Variants in FAM184B observed in about 807,000 individuals in gnomAD.
FAM184B encodes family with sequence similarity 184 member B, also known as protein FAM184B.
In FAM184B, 111 loss-of-function variants were observed where a neutral mutation model predicts 135.9. The observed-to-expected ratio is 0.82, with a 90% CI of 0.70 to 0.96. The LOEUF is 0.96. Among genes scored for constraint, FAM184B ranks in the 40% least tolerant of loss-of-function variants. The pLI is 0.00. For missense variants in FAM184B, 1,375 were observed against 1,323.9 expected (o/e 1.04, Z -0.60); for synonymous variants, 552 against 524.8 (o/e 1.05, Z -0.71).
intron 1 of FAM184B, among the ~76,000 whole-genome samples, chr4:17,714,139 A>G (rs776069954): frequency 1.3e-5 from 2 of 152,176 alleles, no homozygotes; most frequent in Non-Finnish European, 2.9e-5. Context: ...GTAGGTTCAC[A>G]GTAAGTATCT....
At chr4:17,708,119 G>A (rs1717157827) in intron 2 of FAM184B, among the ~76,000 whole-genome samples, 1 of 152,130 alleles carries the variant, frequency 6.6e-6, no homozygotes, top group Non-Finnish European at 1.5e-5. Flanking sequence ...CAAAGTCCTG[G>A]GGATTTTAGG....
intron 1 of FAM184B, among the ~76,000 whole-genome samples, chr4:17,748,341 C>T (rs1459879606): frequency 6.6e-6 from 1 of 151,684 alleles, no homozygotes; most frequent in East Asian, 1.9e-4. Flanking sequence ...CTAAACTGCC[C>T]CAAAGATCCA....
rs1170912100 is a variant in FAM184B, at chr4:17,632,514, T to C, written c.*18A>G. On this transcript the variant is annotated 3_prime_UTR_variant, in exon 18 of 18. Coordinates refer to ENST00000265018, the MANE Select transcript of FAM184B (RefSeq NM_015688.2). Reference sequence around the variant, plus strand: ...AATGTTTTTCAAGTATCCTCTGTGATGTATCCCAAAGGTTAGCTTAGAAAG... The same window carrying C: ...AATGTTTTTCAAGTATCCTCTGTGACGTATCCCAAAGGTTAGCTTAGAAAG... 6.5e-7 allele frequency: 1 copy of C among 1,527,218 alleles called. No homozygotes were observed. The highest frequency in any genetic ancestry group is 8.9e-7 in the Non-Finnish European group (1 of 1,126,584). 94.6% of individuals were successfully genotyped at this position (1,527,218 alleles called of 1,614,324 possible).
At chr4:17,690,538 G>T (rs1295180859) in intron 6 of FAM184B, among the ~76,000 whole-genome samples, 2 of 152,190 alleles carry the variant, frequency 1.3e-5, no homozygotes, top group African/African-American at 2.4e-5. Flanking sequence ...GAGGCAGAAA[G>T]ATCCATGGCA....
intron 1 of FAM184B, among the ~76,000 whole-genome samples, chr4:17,719,185 C>T (rs192941486): frequency 1.3e-3 from 204 of 152,238 alleles, no homozygotes; most frequent in African/African-American, 4.6e-3. Context: ...AGCTTTGGGG[C>T]CATTATGAGG....
At chr4:17,771,208 A>C (rs968717499) in intron 1 of FAM184B, among the ~76,000 whole-genome samples, 4 of 152,236 alleles carry the variant, frequency 2.6e-5, no homozygotes, top group African/African-American at 9.6e-5. Context: ...TTATATTCCC[A>C]CTGGCAGTGT....
Position 17,781,557 on chromosome 4 carries a change from G to A in FAM184B, c.-258C>T. 2.5e-6 allele frequency: 1 copy of A among 394,934 alleles called. No individual in the cohort carries two copies. The highest frequency in any genetic ancestry group is 4.4e-5 in the East Asian group (1 of 22,712). 24.5% of individuals were successfully genotyped at this position (394,934 alleles called of 1,614,324 possible). Reference sequence around the variant, plus strand: ...GGGCACCCGCACCCTGCGGCGAGGCGTCGGCGCCCCGCACGTGCCGCTGGC... The same window carrying A: ...GGGCACCCGCACCCTGCGGCGAGGCATCGGCGCCCCGCACGTGCCGCTGGC... On this transcript the variant is annotated 5_prime_UTR_variant, in exon 1 of 18. In the 5' UTR this introduces an upstream ATG that the reference lacks. Transcript: ENST00000265018. This position sits in a 1 kb window ranked among gnomAD's most constrained non-coding sequence, Gnocchi z 6.5.
At chr4:17,707,192 C>A (rs13122181) in intron 3 of FAM184B, among the ~76,000 whole-genome samples, 52,716 of 152,012 alleles carry the variant, frequency 0.35, 9,767 homozygotes, top group Non-Finnish European at 0.42. Context: ...CCTCCTCAGC[C>A]TCCTAAAGTG....
chr4:17,642,567 G>A (rs756021441), intron 12 of FAM184B, among the ~76,000 whole-genome samples: 4 of 152,112 alleles, frequency 2.6e-5, no homozygotes, highest in Admixed American at 1.3e-4. Context: ...GAAGTTAAGT[G>A]TTCAGTGAAG....
intron 1 of FAM184B, among the ~76,000 whole-genome samples, chr4:17,743,853 C>T (rs1242309383): frequency 6.6e-6 from 1 of 152,202 alleles, no homozygotes; most frequent in African/African-American, 2.4e-5. Context: ...TGCTGTATGT[C>T]AGCAGTCTAG....
rs919668538 is a variant in FAM184B at position 17,646,705 on chromosome 4, T to G, written c.2346+932A>C. 7.2e-5 allele frequency among the ~76,000 whole-genome samples: 11 copies of G among 152,220 alleles called. No individual in the cohort carries two copies. In the South Asian group the frequency reaches 2.3e-3, roughly 32 times the overall value. ...GTAACAAACCTGCACATTGTGCACA[T>G]GTACCCTAGAACTTAAAATATAATA... On this transcript the variant is annotated intron_variant, in intron 12 of 17. Coordinates refer to ENST00000265018, the MANE Select transcript of FAM184B (RefSeq NM_015688.2).
At chr4:17,726,918 G>A (rs1270599170) in intron 1 of FAM184B, among the ~76,000 whole-genome samples, 1 of 152,178 alleles carries the variant, frequency 6.6e-6, no homozygotes, top group African/African-American at 2.4e-5. Context: ...TGTGGCCAAT[G>A]GGATAGAATA....
At chr4:17,671,909 A>G (rs1716176934) in intron 7 of FAM184B, among the ~76,000 whole-genome samples, 1 of 151,262 alleles carries the variant, frequency 6.6e-6, no homozygotes, top group African/African-American at 2.4e-5. Context: ...AGGATTAGTG[A>G]ACTCAAAGAC....
chr4:17,739,874 C>T (rs1262425038), intron 1 of FAM184B, among the ~76,000 whole-genome samples: 1 of 151,976 alleles, frequency 6.6e-6, no homozygotes, highest in Non-Finnish European at 1.5e-5. Context: ...CAACTTTTAA[C>T]TGTCTACATC....
chr4:17,709,473 C>G lies in FAM184B; in HGVS notation c.313G>C (p.Glu105Gln). 6.5e-7 allele frequency: 1 copy of G among 1,543,422 alleles called. No individual in the cohort carries two copies. The change falls in exon 2 of 18, where the codon GAG becomes CAG. Residue 105 changes from glutamate to glutamine, a missense_variant. Transcript: ENST00000265018. ...CTCTTTTGCAGCTCCAGGGCGCTCT[C>G]CAGGGCCTGGATGCGCTGTAGAAGG... ...EALLQRIQAL[E>Q]SALELQKRLT... is the part of the protein sequence containing the mutation.
chr4:17,658,396 T>C lies in FAM184B; in HGVS notation c.1991A>G (p.Gln664Arg). The change falls in exon 10 of 18, where the codon CAG becomes CGG. Residue 664 changes from glutamine (Q) to arginine (R), a missense_variant. By Grantham distance (43) the Gln-to-Arg change is conservative (BLOSUM62 1). Transcript: ENST00000265018. Reference sequence around the variant, plus strand: ...CTTCTCCAGCATGCGCAGGGCTCTCTGGTGGGAAGCCTCGAGCTGGGCTTT... The same window carrying C: ...CTTCTCCAGCATGCGCAGGGCTCTCCGGTGGGAAGCCTCGAGCTGGGCTTT... ...AMKAQLEASH[Q>R]RALRMLEKAR... 1 of 1,551,650 alleles carries C rather than the reference T, an allele frequency of 6.4e-7. No individual in the cohort carries two copies. Among genetic ancestry groups the C allele is most frequent in the Non-Finnish European group, 8.7e-7 (1 of 1,146,976 alleles).
At chr4:17,710,143 T>A (rs533573734) in intron 1 of FAM184B, among the ~76,000 whole-genome samples, 1 of 152,146 alleles carries the variant, frequency 6.6e-6, no homozygotes, top group South Asian at 2.1e-4. Flanking sequence ...CTAGCCAACA[T>A]GGCGATCTGG....
intron 1 of FAM184B, among the ~76,000 whole-genome samples, chr4:17,765,336 C>T (rs1464383131): frequency 1.3e-5 from 2 of 152,090 alleles, no homozygotes; most frequent in African/African-American, 2.4e-5. Flanking sequence ...ATTCCGCTCA[C>T]AGGAATCTAC....
chr4:17,759,685 G>A (rs752034326), intron 1 of FAM184B, among the ~76,000 whole-genome samples: 9 of 151,824 alleles, frequency 5.9e-5, no homozygotes, highest in South Asian at 4.2e-4. Flanking sequence ...TAGTAGAAAG[G>A]GTGTTTCACC....
Sources: gnomAD v4.1 joint callset for allele counts (sites outside exome capture counted in the v4.1 genomes callset) on GRCh38, gnomAD v4.1.1 for gene constraint, Gnocchi (gnomAD v3.1) non-coding constraint, MANE v1.5 for transcripts, NCBI Gene and HGNC (gene_info 2026-07-23, HGNC 2026-07-21) for gene names.